The following THSD7A variants were observed in gnomAD, a reference collection of about 807,000 sequenced individuals.
THSD7A encodes the protein thrombospondin type 1 domain containing 7A.
In THSD7A, 96 loss-of-function variants were observed where a neutral mutation model predicts 231.3. That is an observed-to-expected ratio of 0.41 (90% CI 0.35 to 0.49). The LOEUF is 0.49. THSD7A is among the 20% of genes least tolerant of loss of function. The pLI is 0.05. For synonymous variants in THSD7A, 940 were observed against 743.3 expected, an observed-to-expected ratio of 1.26 and a Z score of -4.30; for missense variants, 2,290 against 2,070.2, an observed-to-expected ratio of 1.11 and a Z score of -2.06.
chr7:11,820,629 C>T (rs1784846984), intron 1 of THSD7A: 1 of 749,398 alleles, frequency 1.3e-6, no homozygotes, highest in Non-Finnish European at 2.4e-6. Context: ...TTGAAAGTTT[C>T]CTCGAGCGCT....
At chr7:11,674,285 T>A (rs780064789) in intron 1 of THSD7A, among the ~76,000 whole-genome samples, 1 of 151,980 alleles carries the variant, frequency 6.6e-6, no homozygotes, top group African/African-American at 2.4e-5. Context: ...TGCAATGTCA[T>A]GGTTAGGCAG....
At chr7:11,575,638 C>T (rs759970551) in intron 4 of THSD7A, among the ~76,000 whole-genome samples, 144 of 152,292 alleles carry the variant, frequency 9.5e-4, no homozygotes, top group Non-Finnish European at 1.6e-3. Flanking sequence ...TCTATCAAAG[C>T]TCAGAGGAGG....
At position 11,460,657 on chromosome 7, in the gene THSD7A, C is replaced by T; in HGVS notation, c.2605+5G>A. The T allele has an allele frequency of 6.2e-7, 1 of 1,603,200 alleles. No individual in the cohort carries two copies. Among genetic ancestry groups the T allele is most frequent in the Non-Finnish European group, 8.5e-7 (1 of 1,174,646 alleles). The stretch of plus-strand genomic sequence containing the variant: ...AGAAATGAACTGTGGAATGGGGCCT[C>T]CCACCTCTTGCCTGTCGCCCAGGCC... On this transcript the variant is annotated splice_donor_5th_base_variant and intron_variant, in intron 11 of 27. Coordinates refer to ENST00000423059, the MANE Select transcript of THSD7A (RefSeq NM_015204.3).
intron 3 of THSD7A, among the ~76,000 whole-genome samples, chr7:11,591,963 G>T (rs1169160798): frequency 9.9e-5 from 15 of 152,204 alleles, no homozygotes; most frequent in Non-Finnish European, 1.5e-5. Flanking sequence ...AAAAGGGCAT[G>T]GAGAAAGATA....
intron 17 of THSD7A, among the ~76,000 whole-genome samples, chr7:11,414,312 A>G (rs903833277): frequency 6.6e-6 from 1 of 152,226 alleles, no homozygotes; most frequent in African/African-American, 2.4e-5. Context: ...CCACCCTTGG[A>G]TCATGCTAAT....
intron 4 of THSD7A, among the ~76,000 whole-genome samples, chr7:11,555,321 G>C (rs1394947024): frequency 6.6e-6 from 1 of 151,866 alleles, no homozygotes; most frequent in African/African-American, 2.4e-5. Context: ...TTTTCCTTGA[G>C]AATTCCTCTT....
intron 1 of THSD7A, among the ~76,000 whole-genome samples, chr7:11,769,153 A>ATAT: frequency 0.031 from 861 of 27,594 alleles, 57 homozygotes; most frequent in Middle Eastern, 0.067. Context: ...ATATATATAT[A>ATAT]TTTTTTTTTT....
At chr7:11,547,762 T>G (rs1789459394) in intron 4 of THSD7A, among the ~76,000 whole-genome samples, 1 of 152,238 alleles carries the variant, frequency 6.6e-6, no homozygotes, top group African/African-American at 2.4e-5. Flanking sequence ...TCTGAATGAC[T>G]TTTGGGTAAT....
chr7:11,726,715 C>CAAAAA (rs984085499), intron 1 of THSD7A, among the ~76,000 whole-genome samples: 24 of 152,128 alleles, frequency 1.6e-4, no homozygotes, highest in African/African-American at 5.1e-4. Context: ...GTTTTATCTG[C>CAAAAA]AAATACCATG....
At chr7:11,412,446 T>C (rs1336821431) in intron 18 of THSD7A, among the ~76,000 whole-genome samples, 3 of 152,228 alleles carry the variant, frequency 2.0e-5, no homozygotes, top group African/African-American at 7.2e-5. Flanking sequence ...CTAATGTCTG[T>C]TGACATTTTT....
chr7:11,673,879 G>A (rs753204452), intron 1 of THSD7A, among the ~76,000 whole-genome samples: 2 of 152,086 alleles, frequency 1.3e-5, no homozygotes, highest in Non-Finnish European at 2.9e-5. Flanking sequence ...GGTCAGGGGA[G>A]CATGAGCTGA....
chr7:11,406,390 C>T lies in THSD7A; in HGVS notation c.4147G>A (p.Val1383Met). 1 of 1,613,958 alleles carries T rather than the reference C, an allele frequency of 6.2e-7. No individual in the cohort carries two copies. The highest frequency in any genetic ancestry group is 1.3e-5 in the African/African-American group (1 of 75,034). The change falls in exon 22 of 28, where the codon GTG (valine) becomes ATG (methionine). Residue 1383 changes from valine (V) to methionine (M), a missense_variant. Physicochemically the swap from Val to Met is conservative, Grantham distance 21. Transcript: ENST00000423059. The surrounding 1 kb of genome is among the most constrained non-coding windows in gnomAD (Gnocchi z 4.7). Reference sequence around the variant, plus strand: ...ATGTCAGCACAGAATTCCTCATCCACCACTTTGCTGAAATCATCAGCTGAC... The same window carrying T: ...ATGTCAGCACAGAATTCCTCATCCATCACTTTGCTGAAATCATCAGCTGAC... The part of the protein sequence containing the change: ...DGSADDFSKV[V>M]DEEFCADIEL...
chr7:11,749,594 A>T (rs1782432496), intron 1 of THSD7A, among the ~76,000 whole-genome samples: 1 of 152,004 alleles, frequency 6.6e-6, no homozygotes, highest in Non-Finnish European at 1.5e-5. Flanking sequence ...GTTTATAATT[A>T]CTGTGACCAT....
Position 11,565,920 on chromosome 7 carries a change from T to TG in THSD7A, c.1454-22804dup, listed in dbSNP as rs945040443. Among the ~76,000 whole-genome samples, 11 of 152,318 alleles carry TG rather than the reference T, an allele frequency of 7.2e-5. 1 individual carries two copies. Among genetic ancestry groups the TG allele is most frequent in the African/African-American group, 2.2e-4 (9 of 41,578 alleles). On this transcript the variant is annotated intron_variant, in intron 4 of 27. Coordinates refer to ENST00000423059, the MANE Select transcript of THSD7A (RefSeq NM_015204.3). Reference sequence around the variant, plus strand: ...AATTGGCAGGTCTGAATTAAACTGCTGGGTTTGACATTTAAAAAATGGAGT... The same window carrying TG: ...AATTGGCAGGTCTGAATTAAACTGCTGGGGTTTGACATTTAAAAAATGGAGT...
intron 4 of THSD7A, among the ~76,000 whole-genome samples, chr7:11,568,203 G>C (rs779561394): frequency 2.6e-5 from 4 of 152,014 alleles, no homozygotes; most frequent in Non-Finnish European, 4.4e-5. Flanking sequence ...ACTGTTCTCA[G>C]ACATTTCAGA....
At chr7:11,700,440 A>G (rs1278534057) in intron 1 of THSD7A, among the ~76,000 whole-genome samples, 1 of 151,252 alleles carries the variant, frequency 6.6e-6, no homozygotes, top group Non-Finnish European at 1.5e-5. Context: ...ATAAGAAAAA[A>G]GATATTCAAG....
chr7:11,510,105 A>G (rs1331354412), intron 6 of THSD7A, among the ~76,000 whole-genome samples: 1 of 152,194 alleles, frequency 6.6e-6, no homozygotes, highest in Non-Finnish European at 1.5e-5. Context: ...GCATGTTTAC[A>G]GCAGCACAAT....
chr7:11,484,250 T>C (rs1786553579), intron 6 of THSD7A, among the ~76,000 whole-genome samples: 1 of 152,096 alleles, frequency 6.6e-6, no homozygotes, highest in Non-Finnish European at 1.5e-5. Context: ...TTTTTACTGT[T>C]CTGATCACTG....
chr7:11,546,614 A>G (rs987375995), intron 4 of THSD7A, among the ~76,000 whole-genome samples: 1 of 152,312 alleles, frequency 6.6e-6, no homozygotes, highest in African/African-American at 2.4e-5. Context: ...GCCCATACAG[A>G]TGAGAGAAAA....
Sources: allele counts gnomAD v4.1 joint callset (sites outside exome capture counted in the v4.1 genomes callset), GRCh38; gene constraint gnomAD v4.1.1; non-coding constraint Gnocchi (gnomAD v3.1); transcripts MANE v1.5; gene names NCBI Gene and HGNC (gene_info 2026-07-23, HGNC 2026-07-21).